Variants in F8 observed in about 807,000 individuals in gnomAD.
F8 encodes antihemophilic factor.
In F8, 12 loss-of-function variants were observed where a neutral mutation model predicts 140.6. That is an observed-to-expected ratio of 0.09 (90% CI 0.05 to 0.14). The LOEUF (loss-of-function observed/expected upper bound fraction) is 0.14, where lower values mean the gene tolerates loss of function less well. Among genes scored for constraint, F8 ranks in the 10% least tolerant of loss-of-function variants. The pLI, the probability that F8 is intolerant of heterozygous loss-of-function variation, is 1.00. For synonymous variants in F8, 585 were observed against 614.6 expected (o/e 0.95, Z 0.71); for missense variants, 1,354 against 1,720.7 (o/e 0.79, Z 3.77).
intron 6 of F8, among the ~76,000 whole-genome samples, chrX:154,974,304 T>C (rs1487038140): frequency 1.8e-5 from 2 of 112,294 alleles, no homozygotes; most frequent in African/African-American, 3.2e-5. Flanking sequence ...GTTTATCATA[T>C]AGGTATGCTC....
intron 22 of F8, among the ~76,000 whole-genome samples, chrX:154,863,471 T>C (rs1294948433): frequency 3.6e-5 from 4 of 111,492 alleles, no homozygotes; most frequent in African/African-American, 1.3e-4. Context: ...CTACTTTGAG[T>C]TCCTGTAAAA....
At chrX:154,923,637 C>T (rs782750752) in intron 14 of F8, among the ~76,000 whole-genome samples, 78 of 112,362 alleles carry the variant, frequency 6.9e-4, no homozygotes, top group African/African-American at 2.3e-3. Flanking sequence ...GAGTTAGAGA[C>T]CAGTCTGGCC....
intron 22 of F8, among the ~76,000 whole-genome samples, chrX:154,893,272 G>C (rs1421509764): frequency 8.9e-6 from 1 of 112,188 alleles, no homozygotes; most frequent in Non-Finnish European, 1.9e-5. Context: ...AGACCACCTT[G>C]AGCACATGTT....
intron 21 of F8, among the ~76,000 whole-genome samples, chrX:154,898,353 T>C (rs1557275739): frequency 8.9e-6 from 1 of 112,447 alleles, no homozygotes; most frequent in Non-Finnish European, 1.9e-5. Context: ...CAAAACCACC[T>C]TGAAGATAAG....
At chrX:154,873,127 G>T (rs1233919960) in intron 22 of F8, among the ~76,000 whole-genome samples, 1 of 110,632 alleles carries the variant, frequency 9.0e-6, no homozygotes, top group Non-Finnish European at 1.9e-5. Context: ...CTATAGATTT[G>T]ATGTGATCCC....
At chrX:154,943,198 T>G (rs1557280001) in intron 13 of F8, among the ~76,000 whole-genome samples, 1 of 111,735 alleles carries the variant, frequency 8.9e-6, no homozygotes, top group African/African-American at 3.3e-5. Context: ...AAATAAAGTG[T>G]ATTCAATTAG....
At chrX:154,941,024 A>C (rs1557279692) in intron 13 of F8, among the ~76,000 whole-genome samples, 1 of 112,193 alleles carries the variant, frequency 8.9e-6, no homozygotes, top group Non-Finnish European at 1.9e-5. Context: ...AGCACTAAAC[A>C]TGGAAAGGAG....
At chrX:154,953,844 A>G (rs2073349714) in intron 12 of F8, 48 bp downstream of exon 12, 1 of 1,196,372 alleles carries the variant, frequency 8.4e-7, no homozygotes, top group East Asian at 3.0e-5. Flanking sequence ...GATTACATCA[A>G]TTTTTCTTTA....
chrX:154,935,981 AACACAC>A (rs782071576), intron 13 of F8, among the ~76,000 whole-genome samples: 500 of 88,281 alleles, frequency 5.7e-3, no homozygotes, highest in Middle Eastern at 0.012. Flanking sequence ...ATGCCAAAGT[AACACAC>A]ACACACACAC....
rs782426931 is a variant in F8 at position 154,843,777 on chromosome X, G to A, written c.6901-6025C>T. On this transcript the variant is annotated intron_variant, in intron 25 of 25. Transcript: ENST00000360256. Reference sequence around the variant, plus strand: ...GGGATGGTAGTTTCTTTTGCTGTGCGGAAGCTCTTTAGTTTCATTAGATCC... The same window carrying A: ...GGGATGGTAGTTTCTTTTGCTGTGCAGAAGCTCTTTAGTTTCATTAGATCC... Among the ~76,000 whole-genome samples the A allele has an allele frequency of 9.0e-5, 10 of 111,597 alleles. No individual in the cohort carries two copies. The East Asian group carries it at 1.1e-3, about 13-fold the overall frequency.
At chrX:154,864,793 G>A (rs1469324361) in intron 22 of F8, among the ~76,000 whole-genome samples, 5 of 111,307 alleles carry the variant, frequency 4.5e-5, no homozygotes, top group Non-Finnish European at 3.8e-5. Context: ...AAATTATCTA[G>A]TTAGCGGAAT....
intron 14 of F8, among the ~76,000 whole-genome samples, chrX:154,912,185 C>T (rs782281769): frequency 7.3e-4 from 82 of 111,889 alleles, no homozygotes; most frequent in Non-Finnish European, 1.4e-3. Flanking sequence ...CTTTGTTGTG[C>T]GGAAGCTTTA....
intron 22 of F8, among the ~76,000 whole-genome samples, chrX:154,881,590 G>A (rs1442559931): frequency 8.1e-4 from 89 of 110,505 alleles, no homozygotes; most frequent in African/African-American, 2.6e-3. Context: ...ATGGCGGAGC[G>A]GGGGCGGGGG....
At chrX:154,988,023 T>C (rs2073568585) in intron 4 of F8, among the ~76,000 whole-genome samples, 2 of 112,128 alleles carry the variant, frequency 1.8e-5, no homozygotes, top group Non-Finnish European at 3.8e-5. Context: ...AAAGCAACAG[T>C]ACGTGTGCTG....
chrX:154,890,407 A>G (rs2072935136), intron 22 of F8, among the ~76,000 whole-genome samples: 1 of 112,302 alleles, frequency 8.9e-6, no homozygotes, highest in African/African-American at 3.2e-5. Flanking sequence ...TTGAAGAATA[A>G]GTGAACTAAG....
At chrX:154,895,449 A>C (rs1194110156) in intron 22 of F8, among the ~76,000 whole-genome samples, 1 of 112,036 alleles carries the variant, frequency 8.9e-6, no homozygotes, top group African/African-American at 3.2e-5. Context: ...ACGGGGGAAG[A>C]CTAGTTAGGA....
chrX:155,005,030 A>G (rs1457681114), intron 1 of F8, among the ~76,000 whole-genome samples: 3 of 112,087 alleles, frequency 2.7e-5, no homozygotes, highest in African/African-American at 9.7e-5. Flanking sequence ...CAGTGACCCA[A>G]TTAGGGAAAC....
At chrX:155,003,399 A>G (rs1235425631) in intron 1 of F8, among the ~76,000 whole-genome samples, 1 of 109,113 alleles carries the variant, frequency 9.2e-6, no homozygotes, top group African/African-American at 3.4e-5. Flanking sequence ...TTCCAATCAA[A>G]ACTGAAAAGC....
intron 7 of F8, among the ~76,000 whole-genome samples, 176 bp downstream of exon 7, chrX:154,969,155 A>G (rs2073441118): frequency 9.0e-6 from 1 of 111,647 alleles, no homozygotes; most frequent in South Asian, 3.7e-4. Flanking sequence ...TTTATAGTCA[A>G]GGTAAAAACT....
Sources: allele counts gnomAD v4.1 joint callset (sites outside exome capture counted in the v4.1 genomes callset), GRCh38; gene constraint gnomAD v4.1.1; transcripts MANE v1.5; gene names NCBI Gene and HGNC (gene_info 2026-07-23, HGNC 2026-07-21).